Variants in ZBTB20 observed in about 807,000 individuals in gnomAD.
The protein encoded by ZBTB20 is zinc finger and BTB domain-containing protein 20.
A neutral mutation model predicts 56.9 loss-of-function variants in ZBTB20; 9 were observed. That is an observed-to-expected ratio of 0.16 (90% CI 0.10 to 0.28). The LOEUF is 0.28. Among genes scored for constraint, ZBTB20 ranks in the 10% least tolerant of loss-of-function variants. ZBTB20 has a pLI of 1.00. For synonymous variants in ZBTB20, 417 were observed against 420.7 expected (o/e 0.99, Z 0.11); for missense variants, 655 against 1,003.0 (o/e 0.65, Z 4.69).
intron 2 of ZBTB20, among the ~76,000 whole-genome samples, chr3:115,005,124 T>C (rs1457228637): frequency 6.6e-6 from 1 of 151,748 alleles, no homozygotes; most frequent in Admixed American, 6.6e-5. Flanking sequence ...ATTCTTACCC[T>C]GAAAATTTGT....
chr3:114,871,727 T>C (rs1382162474), intron 4 of ZBTB20, among the ~76,000 whole-genome samples: 3 of 152,174 alleles, frequency 2.0e-5, no homozygotes, highest in Non-Finnish European at 2.9e-5. Context: ...TGATCTCTCA[T>C]TGTCTTTTTT....
At chr3:114,712,524 A>T (rs1290347944) in intron 5 of ZBTB20, among the ~76,000 whole-genome samples, 5 of 151,830 alleles carry the variant, frequency 3.3e-5, no homozygotes, top group African/African-American at 2.4e-5. Context: ...GTGGTGGCGC[A>T]TGCCTGTAAT....
chr3:115,029,300 A>C (rs1320070520), intron 2 of ZBTB20, among the ~76,000 whole-genome samples: 1 of 147,456 alleles, frequency 6.8e-6, no homozygotes, highest in Admixed American at 6.8e-5. Flanking sequence ...ACAGTTCATA[A>C]ATTTAATGCA....
intron 2 of ZBTB20, among the ~76,000 whole-genome samples, chr3:114,979,420 C>T (rs904895588): frequency 6.6e-6 from 1 of 151,878 alleles, no homozygotes; most frequent in African/African-American, 2.4e-5. Context: ...GCTGTTCATT[C>T]CCATATAAGA....
Position 114,333,868 on chromosome 3 carries a change from A to C in ZBTB20, c.*5137T>G, listed in dbSNP as rs114175657. On this transcript the variant is annotated 3_prime_UTR_variant, in exon 12 of 12. Coordinates refer to ENST00000675478, the MANE Select transcript of ZBTB20 (RefSeq NM_001348800.3). ...GTGATTGGATGTTTCTTGGTTTAGC[A>C]TTGTTTGGTGCTGAATACATTTTGC... is the stretch of plus-strand genomic sequence containing the variant. 2,774 of 152,232 alleles carry C rather than the reference A, an allele frequency of 0.018. 41 individuals are homozygous for C. The highest frequency in any genetic ancestry group is 0.031 in the Non-Finnish European group (2,079 of 68,002). The allele number at this position is 152,232 out of a possible 1,614,324, so 9.4% of individuals were successfully genotyped here.
chr3:114,661,407 T>A (rs1318772869), intron 6 of ZBTB20, among the ~76,000 whole-genome samples: 1 of 152,182 alleles, frequency 6.6e-6, no homozygotes, highest in African/African-American at 2.4e-5. Flanking sequence ...TAATAGCCTT[T>A]TCAGAGCCAA....
At chr3:114,429,493 G>A (rs927540789) in intron 7 of ZBTB20, among the ~76,000 whole-genome samples, 8 of 152,058 alleles carry the variant, frequency 5.3e-5, no homozygotes, top group African/African-American at 1.9e-4. Context: ...GCCCTAACTC[G>A]GTAGCTCAGA....
rs77864403 is a variant in ZBTB20 at position 114,315,727 on chromosome 3, G to GAAAAAGGGA, written c.*23277_*23278insTCCCTTTTT. The GAAAAAGGGA allele has an allele frequency of 3.3e-5, 5 of 151,916 alleles. No homozygotes were observed. Among genetic ancestry groups the GAAAAAGGGA allele is most frequent in the Admixed American group, 3.3e-4 (5 of 15,258 alleles). 9.4% of individuals were successfully genotyped at this position (151,916 alleles called of 1,614,324 possible). On this transcript the variant is annotated 3_prime_UTR_variant, in exon 12 of 12. Transcript: ENST00000675478. ...GAATCTTATCACAACACTGCGGCGG[G>GAAAAAGGGA]AAAATCAGGAAATGGGTTCACCTTT...
At chr3:114,839,176 A>C (rs1456154817) in intron 4 of ZBTB20, among the ~76,000 whole-genome samples, 1 of 152,084 alleles carries the variant, frequency 6.6e-6, no homozygotes, top group Non-Finnish European at 1.5e-5. Context: ...CAAAGTGGGC[A>C]GATTGTTTGA....
At chr3:115,069,777 G>A (rs985403522) in intron 2 of ZBTB20, among the ~76,000 whole-genome samples, 10 of 151,746 alleles carry the variant, frequency 6.6e-5, no homozygotes, top group Non-Finnish European at 1.3e-4. Flanking sequence ...TAATGATGAT[G>A]GCTAACTTTT....
intron 8 of ZBTB20, among the ~76,000 whole-genome samples, chr3:114,385,473 T>G (rs907130111): frequency 2.0e-5 from 3 of 152,240 alleles, no homozygotes; most frequent in Non-Finnish European, 4.4e-5. Context: ...ATAAGCCATG[T>G]AAAGTGATTT....
At chr3:114,515,803 T>A (rs1171796418) in intron 6 of ZBTB20, among the ~76,000 whole-genome samples, 1 of 152,156 alleles carries the variant, frequency 6.6e-6, no homozygotes, top group East Asian at 1.9e-4. Context: ...TATTTTCAAT[T>A]TTCCTACTGC....
At chr3:114,991,101 C>T (rs1030012557) in intron 2 of ZBTB20, among the ~76,000 whole-genome samples, 3 of 152,068 alleles carry the variant, frequency 2.0e-5, no homozygotes, top group Non-Finnish European at 4.4e-5. Flanking sequence ...GTGTCTCTAT[C>T]TCCTTCAGTT....
At chr3:115,039,409 A>G (rs1334947556) in intron 2 of ZBTB20, among the ~76,000 whole-genome samples, 2 of 152,096 alleles carry the variant, frequency 1.3e-5, no homozygotes, top group African/African-American at 4.8e-5. Context: ...TACTATTAAT[A>G]AAATGATGGG....
intron 5 of ZBTB20, among the ~76,000 whole-genome samples, chr3:114,731,679 A>G (rs543102479): frequency 2.7e-4 from 41 of 151,934 alleles, no homozygotes; most frequent in African/African-American, 8.2e-4. Flanking sequence ...TTACTAATCC[A>G]GCTGTACCTA....
intron 7 of ZBTB20, among the ~76,000 whole-genome samples, chr3:114,445,292 T>C (rs1475443319): frequency 2.6e-5 from 4 of 152,196 alleles, no homozygotes; most frequent in Non-Finnish European, 5.9e-5. Context: ...TTAGAATTGA[T>C]TGACTCTTAT....
At chr3:114,449,789 A>ATGTT (rs373452547) in intron 7 of ZBTB20, among the ~76,000 whole-genome samples, 1 of 151,938 alleles carries the variant, frequency 6.6e-6, no homozygotes, top group Non-Finnish European at 1.5e-5. Flanking sequence ...GAGATCAGGC[A>ATGTT]TGTTCAGACT....
At chr3:115,143,438 A>C (rs1354358552) in intron 1 of ZBTB20, among the ~76,000 whole-genome samples, 1 of 152,148 alleles carries the variant, frequency 6.6e-6, no homozygotes, top group Non-Finnish European at 1.5e-5. Context: ...CTGAGGCAGG[A>C]GGGCGGATCA....
chr3:114,684,641 A>G (rs905779104), intron 6 of ZBTB20: 3 of 152,204 alleles, frequency 2.0e-5, no homozygotes, highest in Non-Finnish European at 4.4e-5. Flanking sequence ...TTAAAAATTT[A>G]CCAAGCTGTG....
Sources: gnomAD v4.1 joint callset for allele counts (sites outside exome capture counted in the v4.1 genomes callset) on GRCh38, gnomAD v4.1.1 for gene constraint, MANE v1.5 for transcripts, NCBI Gene and HGNC (gene_info 2026-07-23, HGNC 2026-07-21) for gene names.